PRKCE: variants seen among roughly 807,000 people sequenced by gnomAD.
PRKCE encodes protein kinase C epsilon type.
In PRKCE, 16 loss-of-function variants were observed where a neutral mutation model predicts 85.4. The ratio of observed to expected loss-of-function variants is 0.19; its 90% CI spans 0.13 to 0.28. The LOEUF is 0.28. PRKCE is among the 10% of genes least tolerant of loss of function. The probability of loss-of-function intolerance (pLI) is 1.00; values close to 1 mark genes in which losing one functional copy is unlikely to be tolerated. For synonymous variants in PRKCE, 388 were observed against 371.5 expected, an observed-to-expected ratio of 1.04 and a Z score of -0.51; for missense variants, 573 against 975.2, an observed-to-expected ratio of 0.59 and a Z score of 5.49.
chr2:45,916,783 C>G (rs1373220631), intron 2 of PRKCE, among the ~76,000 whole-genome samples: 1 of 152,188 alleles, frequency 6.6e-6, no homozygotes, highest in African/African-American at 2.4e-5. Flanking sequence ...CTTGATCTCA[C>G]TGACTTCAAG....
chr2:45,730,318 AATTTTTT>A (rs1681457975), intron 1 of PRKCE, among the ~76,000 whole-genome samples: 1 of 151,696 alleles, frequency 6.6e-6, no homozygotes, highest in African/African-American at 2.4e-5. Flanking sequence ...ATACCCAGCT[AATTTTTT>A]ATTTTTTATT....
rs539685237 is a variant in PRKCE, at chr2:46,077,204, A to AAAT, written c.1438-8986_1438-8984dup. The stretch of plus-strand genomic sequence containing the variant: ...ACACACACACGCACGCGCACACCCA[A>AAAT]AATAATAATAATAATAATAAAAAGA... On this transcript the variant is annotated intron_variant, in intron 10 of 14. Coordinates refer to ENST00000306156, the MANE Select transcript of PRKCE (RefSeq NM_005400.3). Among the ~76,000 whole-genome samples, 987 of 151,746 alleles carry AAAT rather than the reference A, an allele frequency of 6.5e-3. 3 individuals carry two copies. Among genetic ancestry groups the AAAT allele is most frequent in the Middle Eastern group, 0.027 (8 of 292 alleles).
At chr2:45,869,307 T>A (rs1375319685) in intron 2 of PRKCE, among the ~76,000 whole-genome samples, 2 of 152,244 alleles carry the variant, frequency 1.3e-5, no homozygotes, top group Non-Finnish European at 2.9e-5. Flanking sequence ...ACCAAGATAC[T>A]GTGCATTCCG....
Position 45,896,683 on chromosome 2 carries a change from A to G in PRKCE, c.412+53620A>G, listed in dbSNP as rs77735378. 3.4e-3 allele frequency among the ~76,000 whole-genome samples: 524 copies of G among 152,366 alleles called. 4 individuals are homozygous for G. Among genetic ancestry groups the G allele is most frequent in the African/African-American group, 0.012 (505 of 41,586 alleles). On this transcript the variant is annotated intron_variant, in intron 2 of 14. Coordinates refer to ENST00000306156, the MANE Select transcript of PRKCE (RefSeq NM_005400.3). ...TATTGGAGTAGATTGCAGAGAAAAC[A>G]TATGCAGTTGGCAAATAATCCTGAG...
chr2:46,071,141 T>C (rs1013752213), intron 10 of PRKCE, among the ~76,000 whole-genome samples: 3 of 152,194 alleles, frequency 2.0e-5, no homozygotes, highest in Non-Finnish European at 1.5e-5. Flanking sequence ...TTTGACACCT[T>C]CCCCCTAAAT....
intron 10 of PRKCE, among the ~76,000 whole-genome samples, chr2:46,022,880 G>A (rs1278437753): frequency 6.6e-5 from 10 of 151,804 alleles, no homozygotes; most frequent in Non-Finnish European, 7.4e-5. Flanking sequence ...TCAGGAGATC[G>A]AGACCATCCT....
In PRKCE at chr2:46,156,198, G is replaced by A. The variant is rs574579808; in HGVS notation, c.1921-3408G>A. Among the ~76,000 whole-genome samples the A allele has an allele frequency of 2.0e-4, 30 of 151,984 alleles. No homozygotes were observed. In the South Asian group the frequency reaches 6.2e-3, roughly 32 times the overall value. ...TGCATCAGGCCCCGCCTCCCCCTCAGCCCTTCCCCGTCATCTGCTGGGCTC... is the reference window on the plus strand; with the variant it reads ...TGCATCAGGCCCCGCCTCCCCCTCAACCCTTCCCCGTCATCTGCTGGGCTC... On this transcript the variant is annotated intron_variant, in intron 13 of 14. Transcript: ENST00000306156.
Position 46,094,317 on chromosome 2 carries a change from T to C in PRKCE, c.1592+7955T>C, listed in dbSNP as rs78035652. Among the ~76,000 whole-genome samples the C allele has an allele frequency of 7.9e-5, 12 of 152,346 alleles. No homozygotes were observed. The East Asian group carries it at 2.3e-3, about 29-fold the overall frequency. On this transcript the variant is annotated intron_variant, in intron 11 of 14. Coordinates refer to ENST00000306156, the MANE Select transcript of PRKCE (RefSeq NM_005400.3). ...CTGCATCAATTTGGTGAAGCACCTT[T>C]AGTAGATTTCTGAGAACAAATATAT...
At chr2:46,111,211 T>G (rs1672225264) in intron 11 of PRKCE, among the ~76,000 whole-genome samples, 1 of 152,230 alleles carries the variant, frequency 6.6e-6, no homozygotes, top group East Asian at 1.9e-4. Context: ...TTAAGTTGAT[T>G]GCTAATGCTG....
chr2:46,087,100 AAT>A (rs904010784), intron 11 of PRKCE, among the ~76,000 whole-genome samples: 2 of 151,782 alleles, frequency 1.3e-5, no homozygotes, highest in African/African-American at 2.4e-5. Context: ...AATGGCTGTT[AAT>A]TTCTTCACTT....
chr2:45,890,218 T>A (rs1032531751), intron 2 of PRKCE, among the ~76,000 whole-genome samples: 3 of 152,246 alleles, frequency 2.0e-5, no homozygotes, highest in African/African-American at 7.2e-5. Context: ...AAGAATAATG[T>A]AGTTCCCATG....
chr2:45,881,279 C>T (rs1337005404), intron 2 of PRKCE, among the ~76,000 whole-genome samples: 1 of 152,106 alleles, frequency 6.6e-6, no homozygotes, highest in South Asian at 2.1e-4. Context: ...GAAATTAAGG[C>T]AATCCATATA....
Position 45,692,299 on chromosome 2 carries a change from G to A in PRKCE, c.348+39851G>A, listed in dbSNP as rs567424787. 1.7e-4 allele frequency among the ~76,000 whole-genome samples: 26 copies of A among 152,274 alleles called. 2 individuals carry two copies. The South Asian group carries it at 5.2e-3, about 30-fold the overall frequency. On this transcript the variant is annotated intron_variant, in intron 1 of 14. Coordinates refer to ENST00000306156, the MANE Select transcript of PRKCE (RefSeq NM_005400.3). ...TAAATCAAGGTGTTGGCAGGGCCAT[G>A]TTCCCTCTGAAACATGTCGGGGAGT...
chr2:45,930,387 G>T (rs1435877917), intron 2 of PRKCE, among the ~76,000 whole-genome samples: 1 of 152,172 alleles, frequency 6.6e-6, no homozygotes, highest in Non-Finnish European at 1.5e-5. Flanking sequence ...ATTAGCTAGT[G>T]GCAGATCCAA....
rs115553735 is a variant in PRKCE, at chr2:45,941,665, G to A, written c.413-34764G>A. Among the ~76,000 whole-genome samples the A allele has an allele frequency of 3.9e-3, 595 of 152,278 alleles. 7 individuals carry two copies. The highest frequency in any genetic ancestry group is 0.014 in the African/African-American group (574 of 41,558). ...TGTTGAGGGACTGAGGACCTGCTGA[G>A]CTAAAGATGCTTTTTGTAAATTGAG... On this transcript the variant is annotated intron_variant, in intron 2 of 14. Transcript: ENST00000306156.
intron 2 of PRKCE, among the ~76,000 whole-genome samples, chr2:45,846,195 A>G (rs1691775820): frequency 6.6e-6 from 1 of 152,210 alleles, no homozygotes; most frequent in Admixed American, 6.5e-5. Context: ...ATAAACAGCA[A>G]TGTAATTCTC....
chr2:46,166,176 C>A (rs1454865037), intron 14 of PRKCE, among the ~76,000 whole-genome samples: 3 of 152,262 alleles, frequency 2.0e-5, no homozygotes, highest in Non-Finnish European at 4.4e-5. Flanking sequence ...GACCCGCACA[C>A]TTCACCAACT....
chr2:45,884,771 A>ACTT (rs1695119384), intron 2 of PRKCE, among the ~76,000 whole-genome samples: 1 of 151,472 alleles, frequency 6.6e-6, no homozygotes, highest in South Asian at 2.1e-4. Context: ...CGTTGTAAAA[A>ACTT]CTTCAACCAG....
intron 2 of PRKCE, among the ~76,000 whole-genome samples, chr2:45,854,137 G>T (rs1246073851): frequency 6.6e-6 from 1 of 152,226 alleles, no homozygotes; most frequent in East Asian, 1.9e-4. Context: ...AGTCATTCAA[G>T]GGCAGAGGTT....
Sources: allele counts gnomAD v4.1 joint callset (sites outside exome capture counted in the v4.1 genomes callset), GRCh38; gene constraint gnomAD v4.1.1; transcripts MANE v1.5; gene names NCBI Gene and HGNC (gene_info 2026-07-23, HGNC 2026-07-21).